PDE4D: variants seen among roughly 807,000 people sequenced by gnomAD.
PDE4D encodes the protein 3',5'-cyclic-AMP phosphodiesterase 4D.
In PDE4D, 24 loss-of-function variants were observed where a neutral mutation model predicts 87.4. The observed-to-expected ratio is 0.27, with a 90% CI of 0.20 to 0.39. PDE4D has a LOEUF of 0.39. PDE4D is among the 10% of genes least tolerant of loss of function. PDE4D has a pLI of 1.00. For missense variants in PDE4D, 714 were observed against 1,041.0 expected, an observed-to-expected ratio of 0.69 and a Z score of 4.32; for synonymous variants, 384 against 383.2, an observed-to-expected ratio of 1.00 and a Z score of -0.02.
chr5:59,965,701 A>G (rs1759966184), intron 3 of PDE4D, among the ~76,000 whole-genome samples: 1 of 152,158 alleles, frequency 6.6e-6, no homozygotes, highest in South Asian at 2.1e-4. Flanking sequence ...AAGCTTAAAT[A>G]TCCTGGTAAT....
chr5:59,090,699 G>A (rs774426441), intron 5 of PDE4D, among the ~76,000 whole-genome samples: 1 of 151,722 alleles, frequency 6.6e-6, no homozygotes, highest in African/African-American at 2.4e-5. Flanking sequence ...CAACAAGACG[G>A]AATCCAAAGA....
At chr5:60,197,070 T>TAGATAGATAGAC (rs1316937670) in intron 1 of PDE4D, among the ~76,000 whole-genome samples, 10,593 of 121,982 alleles carry the variant, frequency 0.087, 611 homozygotes, top group Admixed American at 0.12. Context: ...GATAGATAGA[T>TAGATAGATAGAC]AGACAGTTAG....
chr5:59,902,463 G>C (rs566660375), intron 3 of PDE4D, among the ~76,000 whole-genome samples: 3 of 152,150 alleles, frequency 2.0e-5, no homozygotes, highest in African/African-American at 7.2e-5. Flanking sequence ...TTTTTTAAAA[G>C]TATTAAAAAT....
chr5:60,267,905 G>A (rs144941065), intron 1 of PDE4D, among the ~76,000 whole-genome samples: 5 of 152,292 alleles, frequency 3.3e-5, no homozygotes, highest in African/African-American at 1.2e-4. Context: ...CAAAGAAAGG[G>A]CACTCTTCCA....
chr5:60,410,735 C>T (rs1481742880), intron 1 of PDE4D, among the ~76,000 whole-genome samples: 1 of 152,202 alleles, frequency 6.6e-6, no homozygotes, highest in Admixed American at 6.5e-5. Flanking sequence ...AAAGCTCTTA[C>T]AGCTGTCAAG....
At position 59,616,918 on chromosome 5, in the gene PDE4D, CATATAT is replaced by C. The variant is rs55821264; in HGVS notation, c.455+276244_455+276249del. On this transcript the variant is annotated intron_variant, in intron 1 of 14. Coordinates refer to ENST00000340635, the MANE Select transcript of PDE4D (RefSeq NM_001104631.2). ...GTGTATTACTTAGACCTAATAATTA[CATATAT>C]ATATATATATATATATATATATCTC... Among the ~76,000 whole-genome samples the C allele has an allele frequency of 1.7e-3, 107 of 62,908 alleles. 7 individuals are homozygous for C. Among genetic ancestry groups the C allele is most frequent in the South Asian group, 5.2e-3 (6 of 1,158 alleles). 41.3% of individuals were successfully genotyped at this position (62,908 alleles called of 152,430 possible). A position where few individuals can be genotyped will look rare whatever the true frequency, so the allele number is the denominator to read the frequency against.
intron 2 of PDE4D, among the ~76,000 whole-genome samples, chr5:60,183,316 T>C (rs1181646243): frequency 1.3e-5 from 2 of 152,240 alleles, no homozygotes; most frequent in Admixed American, 6.5e-5. Context: ...GCCTTGATTT[T>C]ATATTTATTT....
At chr5:59,298,303 A>T (rs1351388948) in intron 1 of PDE4D, among the ~76,000 whole-genome samples, 1 of 151,888 alleles carries the variant, frequency 6.6e-6, no homozygotes, top group Non-Finnish European at 1.5e-5. Context: ...TTTAGTAGAG[A>T]TGGGGTTTCA....
chr5:59,979,756 T>C (rs1217370626), intron 3 of PDE4D, among the ~76,000 whole-genome samples: 1 of 152,116 alleles, frequency 6.6e-6, no homozygotes, highest in Non-Finnish European at 1.5e-5. Context: ...AGATTCTAAA[T>C]GAATGAGAGA....
intron 1 of PDE4D, among the ~76,000 whole-genome samples, chr5:59,656,806 G>T (rs2150264461): frequency 6.6e-6 from 1 of 152,268 alleles, no homozygotes; most frequent in East Asian, 1.9e-4. Context: ...TATACTTTCT[G>T]AGACACTCTT....
intron 1 of PDE4D, chr5:59,356,779 A>C: frequency 6.4e-7 from 1 of 1,568,936 alleles, no homozygotes; most frequent in Non-Finnish European, 8.6e-7. Context: ...TGAGAAACGC[A>C]ATCTTGATTT....
At chr5:59,026,748 A>C (rs1328623734) in intron 6 of PDE4D, among the ~76,000 whole-genome samples, 1 of 152,198 alleles carries the variant, frequency 6.6e-6, no homozygotes, top group Non-Finnish European at 1.5e-5. Context: ...TTTATAAAGG[A>C]TGTAACATTC....
At chr5:59,703,675 T>C (rs753758364) in intron 1 of PDE4D, 1 of 521,354 alleles carries the variant, frequency 1.9e-6, no homozygotes, top group African/African-American at 1.9e-5. Flanking sequence ...TAGTAACTGG[T>C]TGAACAACTG....
intron 1 of PDE4D, among the ~76,000 whole-genome samples, chr5:60,210,742 T>C (rs1202175786): frequency 2.1e-5 from 3 of 141,942 alleles, no homozygotes; most frequent in East Asian, 2.0e-4. Flanking sequence ...ATTATTTTTA[T>C]AGGGTTTCCT....
chr5:59,742,208 C>A (rs1171587327), intron 1 of PDE4D, among the ~76,000 whole-genome samples: 1 of 152,082 alleles, frequency 6.6e-6, no homozygotes, highest in Non-Finnish European at 1.5e-5. Flanking sequence ...GGATTACAGG[C>A]ATGCACTACC....
At chr5:59,556,504 A>T (rs1190657388) in intron 1 of PDE4D, among the ~76,000 whole-genome samples, 1 of 152,152 alleles carries the variant, frequency 6.6e-6, no homozygotes, top group East Asian at 1.9e-4. Context: ...GTGGGTAAAG[A>T]CATTGACTAT....
intron 11 of PDE4D, among the ~76,000 whole-genome samples, chr5:58,979,777 T>TTGTACCACCCATTTAGCATG: frequency 6.6e-6 from 1 of 152,230 alleles, no homozygotes; most frequent in South Asian, 2.1e-4. Flanking sequence ...CTATACTACT[T>TTGTACCACCCATTTAGCATG]TGTACCACCC....
At chr5:60,332,209 G>A (rs1028017934) in intron 1 of PDE4D, among the ~76,000 whole-genome samples, 4 of 152,122 alleles carry the variant, frequency 2.6e-5, no homozygotes. Context: ...TAGATTCAGC[G>A]AGTACATATG....
At chr5:60,366,161 ATC>A (rs2149969542) in intron 1 of PDE4D, among the ~76,000 whole-genome samples, 1 of 152,186 alleles carries the variant, frequency 6.6e-6, no homozygotes, top group East Asian at 1.9e-4. Flanking sequence ...CAGGAAAGGA[ATC>A]ACAGCATCTT....
Sources: gnomAD v4.1 joint callset for allele counts (sites outside exome capture counted in the v4.1 genomes callset) on GRCh38, gnomAD v4.1.1 for gene constraint, MANE v1.5 for transcripts, NCBI Gene and HGNC (gene_info 2026-07-23, HGNC 2026-07-21) for gene names.